Variants in MRTFB observed in about 807,000 individuals in gnomAD.
MRTFB encodes the protein myocardin-related transcription factor B.
MRTFB carries 29 observed loss-of-function variants against 104.2 expected under a neutral mutation model. The ratio of observed to expected loss-of-function variants is 0.28; its 90% CI spans 0.21 to 0.38. The LOEUF (loss-of-function observed/expected upper bound fraction) is 0.38, where lower values mean the gene tolerates loss of function less well. Ranked by LOEUF, MRTFB falls within the 10% of genes least tolerant of loss-of-function variation. The pLI is 1.00. For missense variants in MRTFB, 1,270 were observed against 1,341.6 expected (o/e 0.95, Z 0.83); for synonymous variants, 535 against 519.5 (o/e 1.03, Z -0.41).
At chr16:14,237,874 G>A (rs1396454694) in intron 9 of MRTFB, among the ~76,000 whole-genome samples, 1 of 152,206 alleles carries the variant, frequency 6.6e-6, no homozygotes, top group Non-Finnish European at 1.5e-5. Context: ...AGAAAAGATA[G>A]ACAGTATTCT....
chr16:14,217,146 C>T lies in MRTFB; in HGVS notation c.373C>T (p.Leu125=), dbSNP rs2041463777. ...ILEETFAEPS[L]QATQMKLKRA... is the part of the protein sequence containing the mutation. The stretch of plus-strand genomic sequence containing the variant: ...TTTAGAAACATTTGCAGAGCCATCC[C>T]TGCAGGCTACTCAGATGAAGTTGAA... Residue 125 remains leucine, a synonymous_variant, in exon 7 of 17, where the codon CTG becomes TTG. Coordinates refer to ENST00000571589, the MANE Select transcript of MRTFB (RefSeq NM_001308142.2). 1 of 1,612,734 alleles carries T rather than the reference C, an allele frequency of 6.2e-7. No individual in the cohort carries two copies. Among genetic ancestry groups the T allele is most frequent in the African/African-American group, 1.3e-5 (1 of 74,982 alleles).
intron 2 of MRTFB, among the ~76,000 whole-genome samples, chr16:14,081,291 CTTTTT>C (rs995694902): frequency 8.2e-6 from 1 of 121,506 alleles, no homozygotes. Flanking sequence ...CGTATGCTGC[CTTTTT>C]TTTTTTTTTT....
At chr16:14,054,617 T>C in the MRTFB span, among the ~76,000 whole-genome samples, 2 of 152,248 alleles carry the variant, frequency 1.3e-5, no homozygotes, top group Non-Finnish European at 2.9e-5. Context: ...CAGCTCACAA[T>C]GATTTGATTT....
In MRTFB at chr16:14,247,288, G is replaced by A. The variant is rs756470010; in HGVS notation, c.2028G>A (p.Lys676=). Residue 676 remains lysine (K), a synonymous_variant, in exon 12 of 17, where the codon AAG becomes AAA. Transcript: ENST00000571589. The part of the protein sequence containing the change: ...STGGQTLVAK[K]AVVIKQEVPV... Reference sequence around the variant, plus strand: ...GTGGCCAGACCCTTGTTGCCAAAAAGGCTGTAGTTATCAAGCAAGAGGTCC... The same window carrying A: ...GTGGCCAGACCCTTGTTGCCAAAAAAGCTGTAGTTATCAAGCAAGAGGTCC... The A allele has an allele frequency of 1.2e-6, 2 of 1,614,162 alleles. No individual in the cohort carries two copies. The highest frequency in any genetic ancestry group is 1.6e-4 in the Middle Eastern group (1 of 6,062).
rs1394207262 is a variant in MRTFB, at chr16:14,251,869, C to G, written c.2411C>G (p.Thr804Arg). The change falls in exon 14 of 17, where the codon ACA becomes AGA. Residue 804 changes from threonine to arginine, a missense_variant. Physicochemically the swap from Thr to Arg is moderately conservative, Grantham distance 71 (BLOSUM62 -1). Around this residue, in one of 3 missense-constraint regions of MRTFB, gnomAD observed 1,144 missense variants for 1,131.5 expected, o/e 1.01. Transcript: ENST00000571589. ...SQPQQVRKVF[T>R]NSASSNTVLP... ...AACATTTATTCATTACAGGTTTTCA[C>G]AAACTCAGCATCATCAAATACAGTT... 1 of 1,613,604 alleles carries G rather than the reference C, an allele frequency of 6.2e-7. No homozygotes were observed. The highest frequency in any genetic ancestry group is 2.2e-5 in the East Asian group (1 of 44,898).
upstream of MRTFB, among the ~76,000 whole-genome samples, chr16:14,069,253 G>C (rs77014198): frequency 0.056 from 8,470 of 152,184 alleles, 466 homozygotes; most frequent in East Asian, 0.29. Flanking sequence ...TTACAGGCAT[G>C]AGCCACTGCG....
chr16:14,236,406 C>G (rs2042511714), intron 9 of MRTFB, among the ~76,000 whole-genome samples: 1 of 152,154 alleles, frequency 6.6e-6, no homozygotes, highest in East Asian at 1.9e-4. Flanking sequence ...CTTCTATGTG[C>G]CAGGCACTGT....
Position 14,135,380 on chromosome 16 carries a change from A to G in MRTFB, c.-63-5164A>G, listed in dbSNP as rs1383976401. ...TTTTTCCTGTACCTTTTCTATGTCT[A>G]GAGACACACATACTTACCATTGTGT... On this transcript the variant is annotated intron_variant, in intron 2 of 16. Coordinates refer to ENST00000571589, the MANE Select transcript of MRTFB (RefSeq NM_001308142.2). Among the ~76,000 whole-genome samples, 5 of 152,350 alleles carry G rather than the reference A, an allele frequency of 3.3e-5. No individual in the cohort carries two copies. In the East Asian group the frequency reaches 5.8e-4, roughly 18 times the overall value.
chr16:14,133,920 C>T (rs181771141), intron 2 of MRTFB, among the ~76,000 whole-genome samples: 2 of 152,272 alleles, frequency 1.3e-5, no homozygotes, highest in East Asian at 1.9e-4. Context: ...GGCCATTTTA[C>T]TTGGAGAACA....
In MRTFB at chr16:14,079,067, A is replaced by G. The variant is rs937071968; in HGVS notation, c.-128-223A>G. On this transcript the variant is annotated intron_variant, in intron 1 of 16. Coordinates refer to ENST00000571589, the MANE Select transcript of MRTFB (RefSeq NM_001308142.2). ...GCAGTTCTCCAGGCTTGTTTGTTAAATACAGTTCTTTGAATACAGTCGTGT... is the reference window on the plus strand; with the variant it reads ...GCAGTTCTCCAGGCTTGTTTGTTAAGTACAGTTCTTTGAATACAGTCGTGT... 5.9e-5 allele frequency among the ~76,000 whole-genome samples: 9 copies of G among 152,226 alleles called. No individual in the cohort carries two copies. The East Asian group carries it at 1.7e-3, about 29-fold the overall frequency.
intron 8 of MRTFB, among the ~76,000 whole-genome samples, chr16:14,225,933 GACC>G (rs1302496233): frequency 6.6e-6 from 1 of 152,176 alleles, no homozygotes; most frequent in African/African-American, 2.4e-5. Context: ...ATTGTGTAAA[GACC>G]TTACTGCAGA....
chr16:14,242,544 AGAGTGCCCATAGTGGTGG>A (rs2042818849), intron 10 of MRTFB, among the ~76,000 whole-genome samples: 1 of 152,206 alleles, frequency 6.6e-6, no homozygotes, highest in African/African-American at 2.4e-5. Flanking sequence ...TGGAAGTCAT[AGAGTGCCCATAGTGGTGG>A]GAGTTTACCT....
chr16:14,128,432 A>G (rs943706470), intron 2 of MRTFB, among the ~76,000 whole-genome samples: 3 of 152,206 alleles, frequency 2.0e-5, no homozygotes, highest in East Asian at 1.9e-4. Flanking sequence ...TTGATGACCT[A>G]TGATGTTATC....
At chr16:14,178,128 G>A (rs1174442668) in intron 3 of MRTFB, among the ~76,000 whole-genome samples, 3 of 152,174 alleles carry the variant, frequency 2.0e-5, no homozygotes, top group Non-Finnish European at 4.4e-5. Context: ...TCACAGTTTT[G>A]TAAGTAGGCA....
chr16:14,201,630 T>C (rs764970441), intron 3 of MRTFB, among the ~76,000 whole-genome samples: 13 of 152,196 alleles, frequency 8.5e-5, no homozygotes, highest in African/African-American at 2.9e-4. Flanking sequence ...GTTTAAGGAA[T>C]ACCCAGAGAT....
chr16:14,227,522 G>GT (rs938958755), intron 8 of MRTFB, among the ~76,000 whole-genome samples: 4 of 151,176 alleles, frequency 2.6e-5, no homozygotes, highest in Admixed American at 6.6e-5. Flanking sequence ...TTTTTGTTTT[G>GT]TTTTTTTGAG....
At chr16:14,159,446 A>T (rs1158591414) in intron 3 of MRTFB, among the ~76,000 whole-genome samples, 1 of 152,214 alleles carries the variant, frequency 6.6e-6, no homozygotes, top group Non-Finnish European at 1.5e-5. Context: ...TGAAAGCCTG[A>T]AAATAGATTA....
chr16:14,096,324 C>T (rs1291417841), intron 2 of MRTFB, among the ~76,000 whole-genome samples: 2 of 152,096 alleles, frequency 1.3e-5, no homozygotes, highest in East Asian at 3.9e-4. Flanking sequence ...CTGCCTGCTT[C>T]GGCCTCCCAA....
In MRTFB at chr16:14,218,991, C is replaced by T. The variant is rs777569835; in HGVS notation, c.686C>T (p.Pro229Leu). Reference protein sequence around the residue: ...ESPSPVTTNTPAQFASVSPTV... With the variant: ...ESPSPVTTNTLAQFASVSPTV... ...CCATCTCCTGTGACTACAAACACTCCAGCGCAGGTATTATCTTTCTGGTTT... is the reference window on the plus strand; with the variant it reads ...CCATCTCCTGTGACTACAAACACTCTAGCGCAGGTATTATCTTTCTGGTTT... Residue 229 changes from proline to leucine, a missense_variant, in exon 8 of 17, where the codon CCA becomes CTA. This residue lies in a region of MRTFB where 1,144 missense variants were observed against 1,131.5 expected (regional missense o/e 1.01). Coordinates refer to ENST00000571589, the MANE Select transcript of MRTFB (RefSeq NM_001308142.2). 6.2e-7 allele frequency: 1 copy of T among 1,610,522 alleles called. No homozygotes were observed. Among genetic ancestry groups the T allele is most frequent in the Admixed American group, 1.7e-5 (1 of 59,520 alleles).
Sources: allele counts gnomAD v4.1 joint callset (sites outside exome capture counted in the v4.1 genomes callset), GRCh38; gene constraint gnomAD v4.1.1; regional missense constraint gnomAD v4.1.1; transcripts MANE v1.5; gene names NCBI Gene and HGNC (gene_info 2026-07-23, HGNC 2026-07-21).